The following TBC1D23 variants were observed in gnomAD, a reference collection of about 807,000 sequenced individuals.
TBC1D23 encodes TBC1 domain family member 23.
TBC1D23 carries 55 observed loss-of-function variants against 91.4 expected under a neutral mutation model. That is an observed-to-expected ratio of 0.60 (90% CI 0.48 to 0.75). The LOEUF (loss-of-function observed/expected upper bound fraction) is 0.75. Among genes scored for constraint, TBC1D23 ranks in the 30% least tolerant of loss-of-function variants. The pLI, the probability that TBC1D23 is intolerant of heterozygous loss-of-function variation, is 0.00. For synonymous variants in TBC1D23, 289 were observed against 281.0 expected, an observed-to-expected ratio of 1.03 and a Z score of -0.28; for missense variants, 725 against 836.1, an observed-to-expected ratio of 0.87 and a Z score of 1.64.
At chr3:100,319,001 G>A (rs1363134934) in intron 16 of TBC1D23, 68 bp from the exon 17 acceptor site, 2 of 1,047,466 alleles carry the variant, frequency 1.9e-6, no homozygotes, top group Non-Finnish European at 1.4e-6. Flanking sequence ...AATTTTTTTA[G>A]ACTGTTAGGG....
intron 4 of TBC1D23, 139 bp downstream of exon 4, chr3:100,283,950 A>G (rs2067719120): frequency 1.8e-6 from 1 of 552,100 alleles, no homozygotes; most frequent in African/African-American, 1.9e-5. Flanking sequence ...CATAATTGTT[A>G]TTTTATTTTT....
At chr3:100,285,992 AT>A (rs2067738882) in intron 4 of TBC1D23, among the ~76,000 whole-genome samples, 1 of 151,984 alleles carries the variant, frequency 6.6e-6, no homozygotes, top group Non-Finnish European at 1.5e-5. Context: ...AGTTTCAGAT[AT>A]AAGTGGACTG....
intron 2 of TBC1D23, 77 bp from the exon 3 acceptor site, chr3:100,281,665 C>G: frequency 1.1e-6 from 1 of 894,502 alleles, no homozygotes; most frequent in Admixed American, 2.0e-5. Flanking sequence ...AAATTCAGGC[C>G]TTTAATTATT....
chr3:100,289,003 C>T (rs2067766940), intron 4 of TBC1D23, among the ~76,000 whole-genome samples: 1 of 152,138 alleles, frequency 6.6e-6, no homozygotes, highest in Non-Finnish European at 1.5e-5. Context: ...CGCTTGAGCC[C>T]AGGAGTTCGA....
At chr3:100,280,640 C>G (rs1194145634) in intron 2 of TBC1D23, among the ~76,000 whole-genome samples, 1 of 152,170 alleles carries the variant, frequency 6.6e-6, no homozygotes, top group East Asian at 1.9e-4. Flanking sequence ...GGAATTAAAA[C>G]TGTACACAGC....
chr3:100,263,461 CA>C (rs1400094380), intron 1 of TBC1D23, among the ~76,000 whole-genome samples: 13 of 152,178 alleles, frequency 8.5e-5, no homozygotes, highest in African/African-American at 3.1e-4. Flanking sequence ...ACAGTAACAG[CA>C]TAAGCAAGGG....
chr3:100,311,457 GT>G (rs1345433598), intron 14 of TBC1D23, among the ~76,000 whole-genome samples: 2 of 152,180 alleles, frequency 1.3e-5, no homozygotes, highest in Non-Finnish European at 2.9e-5. Context: ...TTACTAAGGT[GT>G]TTTATCAAGC....
chr3:100,318,560 A>G (rs1169759396), intron 16 of TBC1D23, among the ~76,000 whole-genome samples: 4 of 152,076 alleles, frequency 2.6e-5, no homozygotes, highest in African/African-American at 2.4e-5. Flanking sequence ...TTGTTACCAT[A>G]TGAAAGTGAT....
At chr3:100,290,497 G>A in intron 4 of TBC1D23, 81 bp from the exon 5 acceptor site, 1 of 1,239,866 alleles carries the variant, frequency 8.1e-7, no homozygotes. Context: ...TGCTGTGGAG[G>A]GTATAGCAGG....
At position 100,320,922 on chromosome 3, in the gene TBC1D23, A is replaced by G; in HGVS notation, c.1969A>G (p.Lys657Glu). The stretch of plus-strand genomic sequence containing the variant: ...AAAACATCCTGAACTCATTACCTTC[A>G]AGTATGGAAATAGCAGTGCTTCAGG... Reference protein sequence around the residue: ...KKKHPELITFKYGNSSASGIE... With the variant: ...KKKHPELITFEYGNSSASGIE... The change falls in exon 18 of 19, where the codon AAG becomes GAG. Residue 657 changes from lysine to glutamate, a missense_variant. Transcript: ENST00000394144. The G allele has an allele frequency of 1.2e-6, 2 of 1,610,000 alleles. No homozygotes were observed. Among genetic ancestry groups the G allele is most frequent in the Non-Finnish European group, 1.7e-6 (2 of 1,178,758 alleles).
intron 2 of TBC1D23, among the ~76,000 whole-genome samples, chr3:100,281,433 T>C (rs2067693616): frequency 6.6e-6 from 1 of 152,240 alleles, no homozygotes; most frequent in African/African-American, 2.4e-5. Flanking sequence ...ACTTTTTCTT[T>C]GCCAGTACAT....
At chr3:100,312,371 TTGAGTTAGCATATATAAA>T (rs1335113908) in intron 15 of TBC1D23, among the ~76,000 whole-genome samples, 1 of 152,220 alleles carries the variant, frequency 6.6e-6, no homozygotes, top group Non-Finnish European at 1.5e-5. Flanking sequence ...TGTATATAGG[TTGAGTTAGCATATATAAA>T]TCTCTTCCAA....
chr3:100,306,113 A>T (rs1202734803), intron 12 of TBC1D23, among the ~76,000 whole-genome samples: 2 of 152,224 alleles, frequency 1.3e-5, no homozygotes, highest in South Asian at 2.1e-4. Flanking sequence ...TTTATGTCAT[A>T]AAAATGTTGC....
rs573390917 is a variant in TBC1D23, at chr3:100,281,588, A to G, written c.166-154A>G. 1.5e-5 allele frequency: 7 copies of G among 458,384 alleles called. No individual in the cohort carries two copies. The East Asian group carries it at 2.4e-4, about 16-fold the overall frequency. 28.4% of individuals were successfully genotyped at this position (458,384 alleles called of 1,614,324 possible). A position where few individuals can be genotyped will look rare whatever the true frequency, so the allele number is the denominator to read the frequency against. On this transcript the variant is annotated intron_variant, in intron 2 of 18. Transcript: ENST00000394144. ...ACTTAAAATAATTCTGCTGGTTGTG[A>G]CATGACTAAATACTCAACATTTGGT...
At position 100,263,644 on chromosome 3, in the gene TBC1D23, C is replaced by T. The variant is rs191151480; in HGVS notation, c.53+2573C>T. ...AAAAGTTTTTAACTAATTAAATGCA[C>T]CTTTTAAGAATCAGTGACAGACATT... On this transcript the variant is annotated intron_variant, in intron 1 of 18. Coordinates refer to ENST00000394144, the MANE Select transcript of TBC1D23 (RefSeq NM_001199198.3). 2.6e-5 allele frequency among the ~76,000 whole-genome samples: 4 copies of T among 152,296 alleles called. No individual in the cohort carries two copies. The South Asian group carries it at 8.3e-4, about 32-fold the overall frequency.
intron 1 of TBC1D23, among the ~76,000 whole-genome samples, chr3:100,264,727 T>C (rs759574213): frequency 2.0e-5 from 3 of 152,238 alleles, no homozygotes; most frequent in Non-Finnish European, 4.4e-5. Context: ...CTTGTTGAAA[T>C]TGTATATACA....
At chr3:100,291,673 A>G (rs1039302367) in intron 5 of TBC1D23, among the ~76,000 whole-genome samples, 1 of 151,848 alleles carries the variant, frequency 6.6e-6, no homozygotes, top group African/African-American at 2.4e-5. Flanking sequence ...TAAGTAGCCT[A>G]TTTTAAAATA....
chr3:100,265,429 ATAGT>A (rs1196002921), intron 1 of TBC1D23, among the ~76,000 whole-genome samples: 1 of 152,240 alleles, frequency 6.6e-6, no homozygotes. Flanking sequence ...AAAAATGCTT[ATAGT>A]TAGTTTTAAG....
intron 12 of TBC1D23, among the ~76,000 whole-genome samples, chr3:100,305,384 T>C (rs912724342): frequency 3.3e-5 from 5 of 152,150 alleles, no homozygotes; most frequent in African/African-American, 1.2e-4. Flanking sequence ...AGTAAAATAA[T>C]TGGCAGGATC....
Sources: gnomAD v4.1 joint callset for allele counts (sites outside exome capture counted in the v4.1 genomes callset) on GRCh38, gnomAD v4.1.1 for gene constraint, MANE v1.5 for transcripts, NCBI Gene and HGNC (gene_info 2026-07-23, HGNC 2026-07-21) for gene names.